LGR5: variants seen among roughly 807,000 people sequenced by gnomAD.
LGR5 encodes the protein leucine rich repeat containing G protein-coupled receptor 5, also known as leucine-rich repeat-containing G protein-coupled receptor 5.
Under a neutral mutation model 76.7 loss-of-function variants are expected in LGR5, and 54 were observed. The ratio of observed to expected loss-of-function variants is 0.70; its 90% CI spans 0.57 to 0.88. LGR5 has a LOEUF of 0.88. Among genes scored for constraint, LGR5 ranks in the 40% least tolerant of loss-of-function variants. The pLI is 0.00. For synonymous variants in LGR5, 406 were observed against 421.9 expected, an observed-to-expected ratio of 0.96 and a Z score of 0.46; for missense variants, 1,078 against 1,073.3, an observed-to-expected ratio of 1.00 and a Z score of -0.06.
At chr12:71,505,473 T>A (rs1020162941) in intron 2 of LGR5, among the ~76,000 whole-genome samples, 4 of 151,962 alleles carry the variant, frequency 2.6e-5, no homozygotes, top group Non-Finnish European at 5.9e-5. Flanking sequence ...ATCAGTTGAG[T>A]CAATCCTCTG....
rs1201185686 is a variant in LGR5 at position 71,556,786 on chromosome 12, G to A, written c.716+96G>A. The stretch of plus-strand genomic sequence containing the variant: ...TTAAAGCCAGACTTTGTTTGGTTTG[G>A]TTAATTGCCTAAGCTTTCAACAGAT... On this transcript the variant is annotated intron_variant, in intron 6 of 17. Coordinates refer to ENST00000266674, the MANE Select transcript of LGR5 (RefSeq NM_003667.4). 6 of 926,474 alleles carry A rather than the reference G, an allele frequency of 6.5e-6. No homozygotes were observed. The East Asian group carries it at 7.2e-5, about 11-fold the overall frequency. 57.4% of individuals were successfully genotyped at this position (926,474 alleles called of 1,614,324 possible).
intron 1 of LGR5, among the ~76,000 whole-genome samples, chr12:71,445,938 G>A (rs753584240): frequency 1.4e-4 from 22 of 152,266 alleles, no homozygotes; most frequent in Non-Finnish European, 2.1e-4. Context: ...ACTCCTGACC[G>A]TGTAAACAAC....
intron 17 of LGR5, 67 bp from the exon 18 acceptor site, chr12:71,583,580 A>G: frequency 6.6e-7 from 1 of 1,516,494 alleles, no homozygotes; most frequent in Non-Finnish European, 8.9e-7. Context: ...AAGAGACAAA[A>G]GGGTAATTCA....
intron 1 of LGR5, among the ~76,000 whole-genome samples, chr12:71,471,756 C>T (rs575889405): frequency 5.5e-4 from 84 of 151,622 alleles, no homozygotes; most frequent in African/African-American, 2.0e-3. Flanking sequence ...AGTTTCCTTC[C>T]TATAAAACAG....
intron 1 of LGR5, among the ~76,000 whole-genome samples, chr12:71,480,428 T>TAG (rs1380905263): frequency 2.7e-5 from 4 of 150,714 alleles, no homozygotes; most frequent in Admixed American, 6.6e-5. Flanking sequence ...GAGGTGTGAC[T>TAG]AGAGAGAGTT....
rs1479935748 is a variant in LGR5 at position 71,535,206 on chromosome 12, C to CA, written c.428+24dup. 6.7e-7 allele frequency: 1 copy of CA among 1,489,696 alleles called. No individual in the cohort carries two copies. Among genetic ancestry groups the CA allele is most frequent in the Non-Finnish European group, 9.3e-7 (1 of 1,070,852 alleles). The allele number at this position is 1,489,696 out of a possible 1,614,324, so 92.3% of individuals were successfully genotyped here. A position where few individuals can be genotyped will look rare whatever the true frequency, so the allele number is the denominator to read the frequency against. ...ATCCCTGTAAGTATAGTAGACATTG[C>CA]AAAATATATTTAAGATCAATTTGGG... On this transcript the variant is annotated intron_variant, in intron 4 of 17. Coordinates refer to ENST00000266674, the MANE Select transcript of LGR5 (RefSeq NM_003667.4).
chr12:71,450,998 C>T (rs1048642540), intron 1 of LGR5, among the ~76,000 whole-genome samples: 1 of 152,286 alleles, frequency 6.6e-6, no homozygotes, highest in African/African-American at 2.4e-5. Flanking sequence ...GCCAATCCCC[C>T]CTCCCTAGCT....
chr12:71,500,429 G>A (rs1345265950), intron 1 of LGR5, among the ~76,000 whole-genome samples: 2 of 151,736 alleles, frequency 1.3e-5, no homozygotes, highest in South Asian at 2.1e-4. Context: ...AAATCCTGGG[G>A]ATGAAACTTA....
chr12:71,577,844 G>A (rs970247084), intron 13 of LGR5, 81 bp from the exon 14 acceptor site: 17 of 868,490 alleles, frequency 2.0e-5, no homozygotes, highest in African/African-American at 1.8e-4. Flanking sequence ...ATTAATTTTG[G>A]TAGAAGACTA....
chr12:71,556,324 T>TA (rs1041316964), intron 5 of LGR5, among the ~76,000 whole-genome samples: 1,699 of 144,776 alleles, frequency 0.012, 17 homozygotes, highest in Middle Eastern at 0.029. Flanking sequence ...ACTTAAAAAT[T>TA]AAAAAAAAAA....
intron 1 of LGR5, among the ~76,000 whole-genome samples, chr12:71,449,924 C>A (rs1415634642): frequency 6.6e-6 from 1 of 152,164 alleles, no homozygotes; most frequent in Non-Finnish European, 1.5e-5. Context: ...ATTGCTAGAG[C>A]ATTACCCTAA....
At chr12:71,441,246 C>G (rs547748067) in intron 1 of LGR5, among the ~76,000 whole-genome samples, 3 of 152,202 alleles carry the variant, frequency 2.0e-5, no homozygotes, top group African/African-American at 7.2e-5. Context: ...ACGCGGTGAC[C>G]CAGGAGGAAC....
chr12:71,511,451 G>T (rs990134964), intron 2 of LGR5, among the ~76,000 whole-genome samples: 1 of 152,154 alleles, frequency 6.6e-6, no homozygotes, highest in Non-Finnish European at 1.5e-5. Flanking sequence ...TGATTCTGAT[G>T]CATGGTAAAG....
chr12:71,538,241 G>T (rs143822045), intron 4 of LGR5, among the ~76,000 whole-genome samples: 1 of 152,308 alleles, frequency 6.6e-6, no homozygotes, highest in East Asian at 1.9e-4. Flanking sequence ...GGCCAGGTAT[G>T]GTGGCTCATG....
intron 4 of LGR5, among the ~76,000 whole-genome samples, chr12:71,535,608 G>A (rs751936356): frequency 7.3e-5 from 11 of 151,620 alleles, no homozygotes; most frequent in South Asian, 4.1e-4. Flanking sequence ...AAGTTTTTTC[G>A]AGTCAAATAA....
intron 11 of LGR5, among the ~76,000 whole-genome samples, chr12:71,569,619 C>T (rs138478845): frequency 6.6e-6 from 1 of 152,224 alleles, no homozygotes; most frequent in African/African-American, 2.4e-5. Flanking sequence ...TACCATCTCA[C>T]ACCAGTCAGA....
chr12:71,477,732 G>A (rs1873403684), intron 1 of LGR5, among the ~76,000 whole-genome samples: 2 of 151,932 alleles, frequency 1.3e-5, no homozygotes, highest in African/African-American at 4.8e-5. Context: ...TAACTTCCAG[G>A]GACATAGTAA....
At chr12:71,499,520 C>G (rs1313560103) in intron 1 of LGR5, among the ~76,000 whole-genome samples, 1 of 152,014 alleles carries the variant, frequency 6.6e-6, no homozygotes, top group Non-Finnish European at 1.5e-5. Flanking sequence ...AGATAGAAAC[C>G]CACATTAAAC....
intron 3 of LGR5, among the ~76,000 whole-genome samples, chr12:71,526,474 C>T (rs1876010485): frequency 6.6e-6 from 1 of 152,118 alleles, no homozygotes; most frequent in African/African-American, 2.4e-5. Flanking sequence ...CTCTTTTATC[C>T]ACTCCTACTA....
Sources: allele counts gnomAD v4.1 joint callset (sites outside exome capture counted in the v4.1 genomes callset), GRCh38; gene constraint gnomAD v4.1.1; transcripts MANE v1.5; gene names NCBI Gene and HGNC (gene_info 2026-07-23, HGNC 2026-07-21).